The following WBP2NL variants were observed in gnomAD, a reference collection of about 807,000 sequenced individuals.
The protein encoded by WBP2NL is WBP2 N-terminal like.
A neutral mutation model predicts 23.3 loss-of-function variants in WBP2NL; 27 were observed. That is an observed-to-expected ratio of 1.16 (90% confidence interval 0.85 to 1.60). WBP2NL has a LOEUF of 1.60. WBP2NL is among the 40% of genes most tolerant of loss of function. WBP2NL has a pLI of 0.00. For synonymous variants in WBP2NL, 151 were observed against 145.9 expected (o/e 1.03, Z -0.25); for missense variants, 370 against 389.5 (o/e 0.95, Z 0.42).
chr22:42,001,224 C>G (rs1921634484), intron 1 of WBP2NL: 2 of 712,300 alleles, frequency 2.8e-6, no homozygotes, highest in African/African-American at 1.8e-5. Flanking sequence ...TACATGATGT[C>G]AGTTCCTTTG....
chr22:42,015,125 G>T (rs1220738516), intron 1 of WBP2NL, among the ~76,000 whole-genome samples: 1 of 152,118 alleles, frequency 6.6e-6, no homozygotes, highest in African/African-American at 2.4e-5. Flanking sequence ...CTTCTTCAGG[G>T]TATATTTTTG....
At chr22:42,022,436 C>A in intron 5 of WBP2NL, 80 bp downstream of exon 5, 2 of 1,256,848 alleles carry the variant, frequency 1.6e-6, no homozygotes, top group Non-Finnish European at 2.2e-6. Context: ...TGCAGGCTTG[C>A]TCCCTGCAGG....
downstream of WBP2NL, chr22:42,030,107 C>CT (rs1387329815): frequency 1.3e-5 from 2 of 152,174 alleles, no homozygotes; most frequent in African/African-American, 4.8e-5. Flanking sequence ...GGTTTCTTTA[C>CT]TACTTCTTAG....
chr22:42,048,435 T>G (rs889728571), intron 8 of WBP2NL, among the ~76,000 whole-genome samples: 1 of 149,114 alleles, frequency 6.7e-6, no homozygotes, highest in African/African-American at 2.5e-5. Flanking sequence ...AAAAAGCTCT[T>G]AAAAAATCTA....
At chr22:42,038,634 G>T (rs1316140842) in intron 8 of WBP2NL, among the ~76,000 whole-genome samples, 3 of 151,942 alleles carry the variant, frequency 2.0e-5, no homozygotes, top group Admixed American at 6.6e-5. Context: ...ACCAAGTCTC[G>T]CTCTGTTGCC....
At chr22:42,039,295 C>G (rs1368456583) in intron 8 of WBP2NL, among the ~76,000 whole-genome samples, 1 of 151,250 alleles carries the variant, frequency 6.6e-6, no homozygotes, top group African/African-American at 2.4e-5. Context: ...AGGCTGGTGT[C>G]GAACTCCTGA....
At chr22:42,017,530 A>T (rs1241020113) in intron 1 of WBP2NL, among the ~76,000 whole-genome samples, 3 of 152,184 alleles carry the variant, frequency 2.0e-5, no homozygotes, top group African/African-American at 7.2e-5. Flanking sequence ...TGTTACTAAT[A>T]AATGTATGAC....
At chr22:42,008,171 C>CCTTTCCTTTCCTTTCCTTTCCTTTCCTT (rs58536145) in intron 1 of WBP2NL, among the ~76,000 whole-genome samples, 2 of 141,698 alleles carry the variant, frequency 1.4e-5, no homozygotes, top group East Asian at 2.2e-4. Context: ...CCTTTCCTTT[C>CCTTTCCTTTCCTTTCCTTTCCTTTCCTT]TCCCTCCCTT....
intron 8 of WBP2NL, among the ~76,000 whole-genome samples, chr22:42,047,666 G>A (rs1925650013): frequency 7.4e-6 from 1 of 135,414 alleles, no homozygotes; most frequent in Non-Finnish European, 1.5e-5. Context: ...CTGTTGCCCA[G>A]GCTGGAGTGC....
intron 8 of WBP2NL, among the ~76,000 whole-genome samples, chr22:42,048,878 CTG>C (rs1259807677): frequency 9.2e-5 from 14 of 152,230 alleles, no homozygotes; most frequent in Admixed American, 4.6e-4. Context: ...ACATAAAACT[CTG>C]TGGTGGCAAA....
intron 8 of WBP2NL, among the ~76,000 whole-genome samples, chr22:42,057,035 T>TA: frequency 6.6e-6 from 1 of 152,296 alleles, no homozygotes; most frequent in East Asian, 1.9e-4. Context: ...ATGGAGCTCT[T>TA]TGAGTTTAAC....
chr22:42,020,864 GTGTGTATATATATATATATATATA>G (rs749313458), intron 4 of WBP2NL, among the ~76,000 whole-genome samples: 31 of 35,030 alleles, frequency 8.8e-4, no homozygotes, highest in South Asian at 3.6e-3. Flanking sequence ...GTGTGTGTGT[GTGTGTATATATATATATATATATA>G]TATATATATA....
At chr22:42,055,169 C>T (rs977662555) in intron 8 of WBP2NL, among the ~76,000 whole-genome samples, 1 of 152,004 alleles carries the variant, frequency 6.6e-6, no homozygotes, top group African/African-American at 2.4e-5. Context: ...CAGGCACCCA[C>T]CACCATGCCC....
At chr22:42,020,246 C>T in intron 4 of WBP2NL, 150 bp downstream of exon 4, 1 of 745,522 alleles carries the variant, frequency 1.3e-6, no homozygotes, top group South Asian at 1.9e-5. Flanking sequence ...CACCATGTTG[C>T]CCAGGCTGGT....
At position 42,027,162 on chromosome 22, in the gene WBP2NL, C is replaced by G. The variant is rs756446448; in HGVS notation, c.911C>G (p.Ser304Cys). 6.2e-7 allele frequency: 1 copy of G among 1,612,590 alleles called. No homozygotes were observed. The stretch of plus-strand genomic sequence containing the variant: ...GAGGCTTCTCTTCCCTCTGCCTCCT[C>G]TTCTCAGGTCCATTCTTAACCTTCT... ...ENEASLPSAS[S>C]SQVHS The change falls in exon 6 of 6, where the codon TCT (serine) becomes TGT (cysteine). Residue 304 changes from serine to cysteine, a missense_variant. Coordinates refer to ENST00000328823, the MANE Select transcript of WBP2NL (RefSeq NM_152613.3).
At chr22:42,003,464 C>G (rs1921903133) in intron 1 of WBP2NL, 1 of 152,028 alleles carries the variant, frequency 6.6e-6, no homozygotes, top group Non-Finnish European at 1.5e-5. Flanking sequence ...TTAATCGAAA[C>G]AACAGTTTGT....
At chr22:42,011,497 C>G (rs1682686117) in intron 1 of WBP2NL, among the ~76,000 whole-genome samples, 2 of 152,100 alleles carry the variant, frequency 1.3e-5, no homozygotes, top group African/African-American at 2.4e-5. Flanking sequence ...GAGCAATCCT[C>G]CTGTCTCAGC....
intron 1 of WBP2NL, among the ~76,000 whole-genome samples, chr22:42,009,339 T>C (rs1300516368): frequency 1.3e-5 from 2 of 152,264 alleles, no homozygotes; most frequent in African/African-American, 4.8e-5. Flanking sequence ...TATTTATTTG[T>C]TCTTTTGTTG....
downstream of WBP2NL, among the ~76,000 whole-genome samples, chr22:42,035,233 G>A (rs997461591): frequency 3.3e-5 from 5 of 152,240 alleles, no homozygotes; most frequent in South Asian, 2.1e-4. Flanking sequence ...GACTTCAGCC[G>A]GTCCCTCCGT....
Sources: gnomAD v4.1 joint callset for allele counts (sites outside exome capture counted in the v4.1 genomes callset) on GRCh38, gnomAD v4.1.1 for gene constraint, MANE v1.5 for transcripts, NCBI Gene and HGNC (gene_info 2026-07-23, HGNC 2026-07-21) for gene names.